VDR: variants seen among roughly 807,000 people sequenced by gnomAD.
The protein encoded by VDR is vitamin D receptor.
A neutral mutation model predicts 39.7 loss-of-function variants in VDR; 19 were observed. That is an observed-to-expected ratio of 0.48 (90% CI 0.33 to 0.70). The LOEUF (loss-of-function observed/expected upper bound fraction) is 0.70, where lower values mean the gene tolerates loss of function less well. Among genes scored for constraint, VDR ranks in the 30% least tolerant of loss-of-function variants. VDR has a pLI of 0.02. For synonymous variants in VDR, 242 were observed against 215.8 expected (o/e 1.12, Z -1.07); for missense variants, 442 against 570.5 (o/e 0.77, Z 2.29).
Position 47,904,048 on chromosome 12 carries a change from G to A in VDR, c.-84+907C>T, listed in dbSNP as rs528086735. On this transcript the variant is annotated intron_variant, in intron 1 of 9. Coordinates refer to ENST00000549336, the MANE Select transcript of VDR (RefSeq NM_000376.3). ...CTCTGGCCCCTTTGGCTGCAACTGA[G>A]CCCAGACAGGAGGCTGACTCACTCA... Among the ~76,000 whole-genome samples the A allele has an allele frequency of 3.9e-5, 6 of 152,096 alleles. No individual in the cohort carries two copies. The East Asian group carries it at 7.8e-4, about 20-fold the overall frequency.
rs193282221 is a variant in VDR, at chr12:47,891,294, C to T, written c.-83-8520G>A. Among the ~76,000 whole-genome samples the T allele has an allele frequency of 8.6e-4, 131 of 152,298 alleles. 2 individuals are homozygous for T. The Middle Eastern group carries it at 0.014, about 16-fold the overall frequency. ...TCTCAGTTCTTGTGTGGGGATCAAA[C>T]GAGCTGATCTCTGAGTAGCCCTCAG... On this transcript the variant is annotated intron_variant, in intron 1 of 9. Transcript: ENST00000549336.
chr12:47,855,015 A>G (rs1945453559), intron 7 of VDR, among the ~76,000 whole-genome samples: 1 of 152,150 alleles, frequency 6.6e-6, no homozygotes. Context: ...CAACATGGCG[A>G]AACTCCGTCT....
intron 8 of VDR, 86 bp from the exon 9 acceptor site, chr12:47,846,537 T>G: frequency 6.4e-7 from 1 of 1,559,074 alleles, no homozygotes; most frequent in Non-Finnish European, 8.7e-7. Context: ...CCCTCGCCCT[T>G]CTCTCCCTGT....
intron 3 of VDR, among the ~76,000 whole-genome samples, chr12:47,868,280 G>A (rs1473208112): frequency 6.6e-6 from 1 of 152,170 alleles, no homozygotes; most frequent in African/African-American, 2.4e-5. Flanking sequence ...TTGGACCTTG[G>A]CTCTGGTACC....
intron 1 of VDR, among the ~76,000 whole-genome samples, chr12:47,892,270 T>C (rs1314913026): frequency 6.6e-6 from 1 of 152,178 alleles, no homozygotes; most frequent in East Asian, 1.9e-4. Context: ...CTCCATCTTC[T>C]AGGTTATTAG....
chr12:47,899,931 C>G, intron 1 of VDR: 1 of 985,612 alleles, frequency 1.0e-6, no homozygotes. Context: ...GTCCATTTCT[C>G]CGTCCAGCTG....
chr12:47,857,824 G>T, intron 4 of VDR, 136 bp from the exon 5 acceptor site: 1 of 892,960 alleles, frequency 1.1e-6, no homozygotes. Flanking sequence ...CTCCTGCCAC[G>T]GAGACTCCCA....
chr12:47,871,404 TCTTTCTA>T (rs1195488946), intron 3 of VDR, among the ~76,000 whole-genome samples: 15 of 63,844 alleles, frequency 2.3e-4, no homozygotes, highest in Non-Finnish European at 5.2e-4. Flanking sequence ...TCTCTTTCTC[TCTTTCTA>T]TCTGTCTGTC....
chr12:47,848,896 T>C (rs1252067417), intron 7 of VDR, among the ~76,000 whole-genome samples: 2 of 152,146 alleles, frequency 1.3e-5, no homozygotes, highest in African/African-American at 2.4e-5. Flanking sequence ...TGTAAGTTAC[T>C]TGGGGGCCAG....
rs768386889 is a variant in VDR, at chr12:47,859,003, C to A, written c.278-1315G>T. On this transcript the variant is annotated intron_variant, in intron 4 of 9. Coordinates refer to ENST00000549336, the MANE Select transcript of VDR (RefSeq NM_000376.3). ...AGGGAGCCTGGGAGTAGACCACACC[C>A]AGGTGACTGACTCACCTGCCCAAAC... 2.0e-5 allele frequency among the ~76,000 whole-genome samples: 3 copies of A among 152,182 alleles called. No homozygotes were observed. The South Asian group carries it at 6.2e-4, about 31-fold the overall frequency.
At chr12:47,860,015 T>G (rs1239357496) in intron 4 of VDR, among the ~76,000 whole-genome samples, 1 of 150,932 alleles carries the variant, frequency 6.6e-6, no homozygotes, top group African/African-American at 2.4e-5. Context: ...CAGGCTGGAG[T>G]GCAGTGGCAC....
intron 7 of VDR, among the ~76,000 whole-genome samples, chr12:47,850,844 C>G (rs561722313): frequency 1.3e-5 from 2 of 152,098 alleles, no homozygotes; most frequent in African/African-American, 2.4e-5. Context: ...TTCCCACCCC[C>G]ACAGGCAGAG....
chr12:47,871,286 CTCTTTCTCTTTCTT>C lies in VDR; in HGVS notation c.147-6123_147-6110del, dbSNP rs1320286406. On this transcript the variant is annotated intron_variant, in intron 3 of 9. Transcript: ENST00000549336. ...TGGTTTCTTTCTTTTCTCTTTCTTTCTCTTTCTCTTTCTTTCTTTCTTTCTTTCTTTCTTTCTTT... is the reference window on the plus strand; with the variant it reads ...TGGTTTCTTTCTTTTCTCTTTCTTTCTCTTTCTTTCTTTCTTTCTTTCTTT... Among the ~76,000 whole-genome samples the C allele has an allele frequency of 7.7e-4, 103 of 134,240 alleles. 2 individuals carry two copies. Among genetic ancestry groups the C allele is most frequent in the Admixed American group, 1.2e-3 (16 of 13,060 alleles). 88.1% of individuals were successfully genotyped at this position (134,240 alleles called of 152,430 possible).
At position 47,870,378 on chromosome 12, in the gene VDR, G is replaced by A. The variant is rs760522904; in HGVS notation, c.147-5201C>T. Among the ~76,000 whole-genome samples, 96 of 152,208 alleles carry A rather than the reference G, an allele frequency of 6.3e-4. 1 individual carries two copies. The highest frequency in any genetic ancestry group is 3.9e-4 in the Admixed American group (6 of 15,278). The stretch of plus-strand genomic sequence containing the variant: ...GCTGGTTTGGATTTGAGAAACAAGA[G>A]CTTCAGGTTTCCATGAGAGCCCATT... On this transcript the variant is annotated intron_variant, in intron 3 of 9. Transcript: ENST00000549336.
At chr12:47,903,527 C>T (rs1422842075) in intron 1 of VDR, among the ~76,000 whole-genome samples, 2 of 152,198 alleles carry the variant, frequency 1.3e-5, no homozygotes, top group Admixed American at 6.5e-5. Context: ...AGGGAAGGGA[C>T]GGCAGGTCTC....
chr12:47,852,550 A>G (rs1419402653), intron 7 of VDR, among the ~76,000 whole-genome samples: 2 of 152,204 alleles, frequency 1.3e-5, no homozygotes, highest in African/African-American at 4.8e-5. Flanking sequence ...CCTCGCTCCT[A>G]TCACTACAAC....
At chr12:47,890,983 C>G (rs1020270555) in intron 1 of VDR, among the ~76,000 whole-genome samples, 5 of 152,214 alleles carry the variant, frequency 3.3e-5, no homozygotes, top group Admixed American at 6.5e-5. Flanking sequence ...TGAGGCCCAA[C>G]AACCTACCCC....
intron 1 of VDR, among the ~76,000 whole-genome samples, chr12:47,895,399 G>A (rs1946445986): frequency 6.6e-6 from 1 of 152,162 alleles, no homozygotes; most frequent in Admixed American, 6.5e-5. Flanking sequence ...GAGTATGGGA[G>A]GGAGAGAAGG....
In VDR at chr12:47,855,732, G is replaced by C; in HGVS notation, c.653C>G (p.Thr218Ser). ...SEEDSDDPSV[T>S]LELSQLSMLP... ...CATGGAGAGCTGGGACAGCTCTAGG[G>C]TCACAGAAGGGTCATCTGAATCTTC... Residue 218 changes from threonine (T) to serine (S), a missense_variant, in exon 7 of 10, where the codon ACC (threonine) becomes AGC (serine). This residue lies in a region of VDR where 5 missense variants were observed against 27.7 expected (regional missense o/e 0.18). Coordinates refer to ENST00000549336, the MANE Select transcript of VDR (RefSeq NM_000376.3). 6.2e-7 allele frequency: 1 copy of C among 1,614,172 alleles called. No homozygotes were observed. The highest frequency in any genetic ancestry group is 8.5e-7 in the Non-Finnish European group (1 of 1,180,014).
Sources: gnomAD v4.1 joint callset for allele counts (sites outside exome capture counted in the v4.1 genomes callset) on GRCh38, gnomAD v4.1.1 for gene constraint, gnomAD v4.1.1 regional missense constraint, MANE v1.5 for transcripts, NCBI Gene and HGNC (gene_info 2026-07-23, HGNC 2026-07-21) for gene names.